Variants in TAF12 observed in about 807,000 individuals in gnomAD.
The protein encoded by TAF12 is transcription initiation factor TFIID subunit 12.
Under a neutral mutation model 20.8 loss-of-function variants are expected in TAF12, and 3 were observed. That is an observed-to-expected ratio of 0.14 (90% CI 0.07 to 0.37). The LOEUF (loss-of-function observed/expected upper bound fraction) is 0.37. Ranked by LOEUF, TAF12 falls within the 10% of genes least tolerant of loss-of-function variation. The probability of loss-of-function intolerance (pLI) is 1.00; values close to 1 mark genes in which losing one functional copy is unlikely to be tolerated. For synonymous variants in TAF12, 69 were observed against 70.2 expected (o/e 0.98, Z 0.09); for missense variants, 131 against 197.9 (o/e 0.66, Z 2.03).
At position 28,605,520 on chromosome 1, in the gene TAF12, A is replaced by T; in HGVS notation, c.362-60T>A. 3.3e-6 allele frequency: 5 copies of T among 1,530,138 alleles called. No homozygotes were observed. The Admixed American group carries it at 8.5e-5, about 26-fold the overall frequency. 94.8% of individuals were successfully genotyped at this position (1,530,138 alleles called of 1,614,324 possible). On this transcript the variant is annotated intron_variant, in intron 4 of 5. Coordinates refer to ENST00000373824, the MANE Select transcript of TAF12 (RefSeq NM_005644.4). ...CCAAGAAGGCAGTACCAGGAGTGCA[A>T]TGTGACCCCCTTGGATCAGGGAGGA...
upstream of TAF12, chr1:28,646,105 TAA>T (rs538316397): frequency 3.8e-4 from 49 of 128,830 alleles, no homozygotes; most frequent in Admixed American, 5.6e-4. Context: ...ACACTGTCTC[TAA>T]AAAAAAAAAA....
intron 2 of TAF12, among the ~76,000 whole-genome samples, chr1:28,620,883 C>T (rs1165637718): frequency 1.3e-5 from 2 of 152,114 alleles, no homozygotes; most frequent in African/African-American, 2.4e-5. Flanking sequence ...CTATCATTAT[C>T]ACCTAATTCG....
At chr1:28,648,070 G>GCGTGACCT (rs1668244316), upstream of TAF12, 1 of 637,370 alleles carries the variant, frequency 1.6e-6, no homozygotes, top group Admixed American at 6.3e-5. Flanking sequence ...ATCAGCTTAT[G>GCGTGACCT]CGTGACCTTG....
rs1378967758 is a variant in TAF12, at chr1:28,618,848, A to G, written c.169-818T>C. On this transcript the variant is annotated intron_variant, in intron 2 of 5. Transcript: ENST00000373824. ...TAAAAGCTCCCTGAGGGCAGCCTTC[A>G]TAAAGGAAATGTCATGTTACATACG... Among the ~76,000 whole-genome samples the G allele has an allele frequency of 2.0e-5, 3 of 152,262 alleles. No homozygotes were observed. In the East Asian group the frequency reaches 5.8e-4, roughly 29 times the overall value.
At chr1:28,619,757 C>T (rs951549810) in intron 2 of TAF12, among the ~76,000 whole-genome samples, 2 of 150,752 alleles carry the variant, frequency 1.3e-5, no homozygotes, top group Admixed American at 6.6e-5. Context: ...TTGAGACCAG[C>T]CTGACCAACA....
At chr1:28,620,668 C>T (rs1027061030) in intron 2 of TAF12, among the ~76,000 whole-genome samples, 7 of 144,746 alleles carry the variant, frequency 4.8e-5, no homozygotes, top group Non-Finnish European at 7.6e-5. Context: ...GATCTGACCT[C>T]GTGATCCGCC....
chr1:28,613,156 T>A, intron 4 of TAF12, 91 bp downstream of exon 4: 1 of 1,034,084 alleles, frequency 9.7e-7, no homozygotes, highest in East Asian at 2.8e-5. Context: ...AAAGTCTGGT[T>A]CTGGCATGAA....
intron 1 of TAF12, 58 bp from the exon 2 acceptor site, chr1:28,622,223 T>A (rs574130644): frequency 3.9e-5 from 55 of 1,402,568 alleles, no homozygotes; most frequent in Non-Finnish European, 4.8e-5. Context: ...AGGATGAATC[T>A]TGAGAGTAAA....
intron 1 of TAF12, among the ~76,000 whole-genome samples, chr1:28,640,245 T>C (rs1224961694): frequency 6.6e-6 from 1 of 152,234 alleles, no homozygotes; most frequent in African/African-American, 2.4e-5. Context: ...GAATAATCTA[T>C]GCTTCTGTGA....
chr1:28,608,417 T>C (rs185656455), intron 4 of TAF12, among the ~76,000 whole-genome samples: 1 of 151,316 alleles, frequency 6.6e-6, no homozygotes, highest in South Asian at 2.1e-4. Context: ...AATTGAACTT[T>C]ACAGTCAACA....
chr1:28,636,417 T>C (rs1404539557), intron 1 of TAF12, among the ~76,000 whole-genome samples: 2 of 152,160 alleles, frequency 1.3e-5, no homozygotes, highest in Non-Finnish European at 2.9e-5. Flanking sequence ...AAGTACCAAC[T>C]GTGCCACTTT....
At chr1:28,646,696 ATTTTTTT>A (rs758006645), upstream of TAF12, among the ~76,000 whole-genome samples, 1 of 124,926 alleles carries the variant, frequency 8.0e-6, no homozygotes, top group African/African-American at 2.9e-5. Context: ...CACTCGGCCA[ATTTTTTT>A]TTTTTTTTTT....
intron 4 of TAF12, among the ~76,000 whole-genome samples, chr1:28,607,645 C>T (rs1418492904): frequency 6.6e-6 from 1 of 152,046 alleles, no homozygotes; most frequent in East Asian, 1.9e-4. Flanking sequence ...GCACTCTAGC[C>T]TAGGTGACAG....
chr1:28,644,676 T>C (rs1570349555), upstream of TAF12, among the ~76,000 whole-genome samples: 2 of 152,238 alleles, frequency 1.3e-5, no homozygotes, highest in Admixed American at 1.3e-4. Flanking sequence ...GCCAGACTTA[T>C]CTAGCTGGCT....
chr1:28,622,283 G>T, intron 1 of TAF12, 118 bp from the exon 2 acceptor site: 1 of 1,026,026 alleles, frequency 9.7e-7, no homozygotes, highest in Non-Finnish European at 1.2e-6. Flanking sequence ...ACTTTGGGAG[G>T]CCCAGGTGGT....
intron 1 of TAF12, among the ~76,000 whole-genome samples, chr1:28,642,430 G>C (rs1012646795): frequency 2.0e-5 from 3 of 151,954 alleles, no homozygotes; most frequent in Non-Finnish European, 2.9e-5. Flanking sequence ...GCCCTGTTCC[G>C]AGACTCAGGA....
intron 1 of TAF12, among the ~76,000 whole-genome samples, chr1:28,636,864 T>C (rs536529677): frequency 5.3e-5 from 8 of 152,152 alleles, no homozygotes; most frequent in African/African-American, 1.7e-4. Context: ...TCCCAGCTAC[T>C]ATGGGGTCTG....
intron 1 of TAF12, among the ~76,000 whole-genome samples, chr1:28,627,415 C>T (rs1167926442): frequency 2.0e-5 from 3 of 148,150 alleles, no homozygotes; most frequent in Admixed American, 1.3e-4. Context: ...AAAAAGAGGC[C>T]GGGCGCGGTG....
Position 28,643,029 on chromosome 1 carries a change from TG to T in TAF12, c.-123del. ...CTATCTCCCCATGATATGCAGAGAC[TG>T]CCCCAGTGAAGCGTTCGTCTCAGCA... On this transcript the variant is annotated 5_prime_UTR_variant, in exon 1 of 6. Transcript: ENST00000373824. The T allele has an allele frequency of 1.0e-6, 1 of 985,944 alleles. No individual in the cohort carries two copies. Among genetic ancestry groups the T allele is most frequent in the Non-Finnish European group, 1.2e-6 (1 of 829,968 alleles). The allele number at this position is 985,944 out of a possible 1,614,324, so 61.1% of individuals were successfully genotyped here.
Sources: allele counts gnomAD v4.1 joint callset (sites outside exome capture counted in the v4.1 genomes callset), GRCh38; gene constraint gnomAD v4.1.1; transcripts MANE v1.5; gene names NCBI Gene and HGNC (gene_info 2026-07-23, HGNC 2026-07-21).